Variants in RBPJ observed in about 807,000 individuals in gnomAD.
RBPJ encodes recombining binding protein suppressor of hairless.
In RBPJ, 9 loss-of-function variants were observed where a neutral mutation model predicts 67.8. The observed-to-expected ratio is 0.13, with a 90% CI of 0.08 to 0.23. The LOEUF (loss-of-function observed/expected upper bound fraction) is 0.23, where lower values mean the gene tolerates loss of function less well. RBPJ is among the 10% of genes least tolerant of loss of function. The pLI is 1.00. For missense variants in RBPJ, 305 were observed against 595.6 expected, an observed-to-expected ratio of 0.51 and a Z score of 5.08; for synonymous variants, 198 against 203.3, an observed-to-expected ratio of 0.97 and a Z score of 0.22.
At chr4:26,145,025 C>T in the RBPJ span, among the ~76,000 whole-genome samples, 3 of 142,330 alleles carry the variant, frequency 2.1e-5, no homozygotes, top group Admixed American at 1.4e-4. Context: ...CCTTCTTCTT[C>T]TTCTTTTTTT....
At chr4:26,108,263 T>C in the RBPJ span, among the ~76,000 whole-genome samples, 3 of 152,150 alleles carry the variant, frequency 2.0e-5, no homozygotes, top group Non-Finnish European at 2.9e-5. Context: ...CAATTCTCCT[T>C]GAACCCTCCC....
chr4:26,254,589 G>GT (rs1245608731), intron 1 of RBPJ, among the ~76,000 whole-genome samples: 1 of 148,390 alleles, frequency 6.7e-6, no homozygotes, highest in Non-Finnish European at 1.5e-5. Context: ...CACATAACTA[G>GT]TTTTTTTAAT....
intron 1 of RBPJ, among the ~76,000 whole-genome samples, chr4:26,268,046 C>T (rs1271685936): frequency 6.6e-6 from 1 of 151,940 alleles, no homozygotes; most frequent in Non-Finnish European, 1.5e-5. Context: ...AGCTTTTAAA[C>T]CAATACTTCT....
chr4:26,375,230 A>C (rs1249226682), intron 1 of RBPJ, among the ~76,000 whole-genome samples: 1 of 149,642 alleles, frequency 6.7e-6, no homozygotes, highest in Non-Finnish European at 1.5e-5. Flanking sequence ...TGGAGGTTGC[A>C]GTGAGCCGAG....
chr4:26,419,938 G>A (rs1734961995), intron 4 of RBPJ, among the ~76,000 whole-genome samples: 1 of 151,912 alleles, frequency 6.6e-6, no homozygotes, highest in African/African-American at 2.4e-5. Context: ...TCGTCCTTTT[G>A]GGCAAAGTTA....
At chr4:26,329,947 A>G (rs1724062105) in intron 1 of RBPJ, among the ~76,000 whole-genome samples, 1 of 152,120 alleles carries the variant, frequency 6.6e-6, no homozygotes, top group Non-Finnish European at 1.5e-5. Context: ...TAGGTGCTCA[A>G]TAAATAGGTT....
At chr4:26,350,040 G>A (rs894213868) in intron 1 of RBPJ, among the ~76,000 whole-genome samples, 4 of 152,156 alleles carry the variant, frequency 2.6e-5, no homozygotes, top group Non-Finnish European at 4.4e-5. Flanking sequence ...CAGAGACCTT[G>A]TCTTTTTGTT....
intron 1 of RBPJ, among the ~76,000 whole-genome samples, chr4:26,330,263 A>C (rs888684506): frequency 5.3e-5 from 8 of 152,184 alleles, no homozygotes; most frequent in Non-Finnish European, 1.2e-4. Context: ...TGAGCTTCAT[A>C]AGAAAAGGAG....
intron 1 of RBPJ, among the ~76,000 whole-genome samples, chr4:26,306,757 T>C (rs1396234237): frequency 6.6e-6 from 1 of 152,024 alleles, no homozygotes; most frequent in East Asian, 1.9e-4. Flanking sequence ...CTGAGAATTA[T>C]TTTTTAATTA....
intron 1 of RBPJ, chr4:26,359,557 T>C (rs1331708397): frequency 6.6e-6 from 1 of 152,160 alleles, no homozygotes; most frequent in African/African-American, 2.4e-5. Flanking sequence ...GGGACGCCCC[T>C]GCTGCCGGCG....
At chr4:26,289,879 G>A (rs1003366676) in intron 1 of RBPJ, among the ~76,000 whole-genome samples, 1 of 150,722 alleles carries the variant, frequency 6.6e-6, no homozygotes, top group African/African-American at 2.4e-5. Flanking sequence ...TCAGAGTTGT[G>A]AGAGTGCTTG....
intron 1 of RBPJ, among the ~76,000 whole-genome samples, chr4:26,215,359 GA>G (rs1391952545): frequency 1.2e-3 from 102 of 85,596 alleles, no homozygotes; most frequent in African/African-American, 4.5e-3. Context: ...AAAAAAGAAG[GA>G]AGGAAGGAAG....
the RBPJ span, among the ~76,000 whole-genome samples, chr4:26,135,928 G>T: frequency 6.6e-6 from 1 of 152,168 alleles, no homozygotes; most frequent in Non-Finnish European, 1.5e-5. Flanking sequence ...ACATACCTGA[G>T]ACTGTAAAAG....
At chr4:26,373,992 C>T (rs1462058919) in intron 1 of RBPJ, among the ~76,000 whole-genome samples, 1 of 140,736 alleles carries the variant, frequency 7.1e-6, no homozygotes. Context: ...GATCTTGGCT[C>T]ACTGCAGCCT....
At chr4:26,111,126 A>G in the RBPJ span, among the ~76,000 whole-genome samples, 7 of 152,204 alleles carry the variant, frequency 4.6e-5, no homozygotes, top group South Asian at 4.2e-4. Context: ...GGGGTTCACT[A>G]TCGTCAACAT....
In RBPJ at chr4:26,434,582, T is replaced by A. The variant is rs1460334240; in HGVS notation, c.*3575T>A. On this transcript the variant is annotated 3_prime_UTR_variant, in exon 11 of 11. Coordinates refer to ENST00000355476, the MANE Select transcript of RBPJ (RefSeq NM_015874.6). ...ATATTAGGGTTTCTGTTTAACCCTT[T>A]CAGGACTGAACTGTATCTCCTTTTG... 1.3e-5 allele frequency: 2 copies of A among 152,246 alleles called. No individual in the cohort carries two copies. Among genetic ancestry groups the A allele is most frequent in the African/African-American group, 4.8e-5 (2 of 41,466 alleles). The allele number at this position is 152,246 out of a possible 1,614,324, so 9.4% of individuals were successfully genotyped here.
At chr4:26,297,364 AAG>A (rs34987416) in intron 1 of RBPJ, among the ~76,000 whole-genome samples, 65,153 of 147,566 alleles carry the variant, frequency 0.44, 16,578 homozygotes, top group Admixed American at 0.58. Context: ...GTACGAGAGA[AAG>A]AGAGAGAGAG....
At chr4:26,154,832 G>A in the RBPJ span, among the ~76,000 whole-genome samples, 12 of 152,168 alleles carry the variant, frequency 7.9e-5, no homozygotes, top group East Asian at 9.6e-4. Flanking sequence ...AGAGGTGCCA[G>A]GCTCCTTTTA....
intron 1 of RBPJ, among the ~76,000 whole-genome samples, chr4:26,345,690 C>T (rs1726056000): frequency 1.3e-5 from 2 of 152,146 alleles, no homozygotes; most frequent in African/African-American, 4.8e-5. Flanking sequence ...CCCCTTTCTG[C>T]CTCAGTTGTA....
Sources: allele counts gnomAD v4.1 joint callset (sites outside exome capture counted in the v4.1 genomes callset), GRCh38; gene constraint gnomAD v4.1.1; transcripts MANE v1.5; gene names NCBI Gene and HGNC (gene_info 2026-07-23, HGNC 2026-07-21).